THSD4: variants seen among roughly 807,000 people sequenced by gnomAD.
The protein encoded by THSD4 is thrombospondin type 1 domain containing 4, also known as thrombospondin type-1 domain-containing protein 4.
THSD4 carries 69 observed loss-of-function variants against 119.0 expected under a neutral mutation model. That is an observed-to-expected ratio of 0.58 (90% CI 0.48 to 0.71). The LOEUF is 0.71. Ranked by LOEUF, THSD4 falls within the 30% of genes least tolerant of loss-of-function variation. THSD4 has a pLI of 0.00. For missense variants in THSD4, 1,393 were observed against 1,391.1 expected (o/e 1.00, Z -0.02); for synonymous variants, 524 against 540.4 (o/e 0.97, Z 0.42).
At chr15:71,202,749 G>A (rs1783380222) in intron 3 of THSD4, among the ~76,000 whole-genome samples, 1 of 152,058 alleles carries the variant, frequency 6.6e-6, no homozygotes, top group Admixed American at 6.6e-5. Flanking sequence ...TTCTTGACAT[G>A]CTGCTAGCAA....
chr15:71,140,381 G>C (rs143450702), intron 1 of THSD4, among the ~76,000 whole-genome samples: 26 of 152,108 alleles, frequency 1.7e-4, no homozygotes, highest in Non-Finnish European at 2.4e-4. Flanking sequence ...CTCCTTTTAG[G>C]CTCTTTTTAA....
chr15:71,240,838 C>CACACACAT lies in THSD4; in HGVS notation c.465-1810_465-1809insCACACATA, dbSNP rs374887677. ...ACACACACACACACACACACACACACATATATACATATATATGACTAACTT... is the reference window on the plus strand; with the variant it reads ...ACACACACACACACACACACACACACACACACATATATATACATATATATGACTAACTT... On this transcript the variant is annotated intron_variant, in intron 4 of 17. Transcript: ENST00000261862. 3.2e-3 allele frequency among the ~76,000 whole-genome samples: 442 copies of CACACACAT among 137,082 alleles called. 3 individuals carry two copies. The highest frequency in any genetic ancestry group is 3.0e-3 in the South Asian group (13 of 4,294). The allele number at this position is 137,082 out of a possible 152,430, so 89.9% of individuals were successfully genotyped here. A position where few individuals can be genotyped will look rare whatever the true frequency, so the allele number is the denominator to read the frequency against.
At chr15:71,735,934 CTCTA>C (rs1475092605) in intron 10 of THSD4, among the ~76,000 whole-genome samples, 4 of 150,424 alleles carry the variant, frequency 2.7e-5, no homozygotes, top group East Asian at 2.0e-4. Flanking sequence ...CACTTTCTGT[CTCTA>C]TCTCTCTGTC....
intron 7 of THSD4, among the ~76,000 whole-genome samples, chr15:71,610,617 ACTGT>A (rs781661275): frequency 1.3e-5 from 2 of 152,124 alleles, no homozygotes; most frequent in Admixed American, 6.5e-5. Flanking sequence ...AATTTATAAC[ACTGT>A]CTGTGCTCAT....
chr15:71,461,946 C>A (rs1428436799), intron 7 of THSD4, among the ~76,000 whole-genome samples: 1 of 152,044 alleles, frequency 6.6e-6, no homozygotes, highest in Non-Finnish European at 1.5e-5. Flanking sequence ...AAATATGTGG[C>A]CAAGATTGGC....
At chr15:71,426,895 T>C (rs2046877094) in intron 7 of THSD4, among the ~76,000 whole-genome samples, 2 of 152,200 alleles carry the variant, frequency 1.3e-5, no homozygotes. Flanking sequence ...GTTTTTTAAA[T>C]ATATACAAGA....
At chr15:71,452,471 C>G (rs2047278884) in intron 7 of THSD4, among the ~76,000 whole-genome samples, 1 of 149,178 alleles carries the variant, frequency 6.7e-6, no homozygotes. Context: ...TCCCTCAGCT[C>G]TCAAAGGGAT....
chr15:71,407,473 T>C, intron 6 of THSD4, among the ~76,000 whole-genome samples: 1 of 152,204 alleles, frequency 6.6e-6, no homozygotes, highest in East Asian at 1.9e-4. Context: ...ATTATATCAA[T>C]GGCTTTTCCA....
chr15:71,148,603 T>C (rs2040688904), intron 2 of THSD4, among the ~76,000 whole-genome samples: 1 of 152,220 alleles, frequency 6.6e-6, no homozygotes, highest in Admixed American at 6.5e-5. Context: ...TGAATGCAGC[T>C]TTATTGCGTC....
chr15:71,756,223 G>A, intron 14 of THSD4, among the ~76,000 whole-genome samples: 1 of 152,152 alleles, frequency 6.6e-6, no homozygotes, highest in Non-Finnish European at 1.5e-5. Context: ...CACAGTCCAG[G>A]GTAAGAAAGT....
intron 7 of THSD4, among the ~76,000 whole-genome samples, chr15:71,412,602 C>T (rs559275995): frequency 2.0e-5 from 3 of 152,282 alleles, no homozygotes; most frequent in Non-Finnish European, 4.4e-5. Context: ...CTATAGCTAG[C>T]TGGCAGACCG....
chr15:71,757,554 C>CCGAGTAGTTGGGATTA (rs1555449798), intron 14 of THSD4, among the ~76,000 whole-genome samples: 30 of 151,842 alleles, frequency 2.0e-4, no homozygotes, highest in South Asian at 8.3e-4. Context: ...CTTCAGCCTC[C>CCGAGTAGTTGGGATTA]CAAAGCTCTG....
chr15:71,633,190 T>A (rs1180411399), intron 7 of THSD4, among the ~76,000 whole-genome samples: 1 of 152,108 alleles, frequency 6.6e-6, no homozygotes, highest in African/African-American at 2.4e-5. Context: ...CCACAGAGGC[T>A]GAAGACAGGT....
intron 6 of THSD4, among the ~76,000 whole-genome samples, chr15:71,275,268 C>T (rs1200885745): frequency 1.3e-5 from 2 of 152,130 alleles, no homozygotes; most frequent in Non-Finnish European, 2.9e-5. Context: ...CAAGCCATGA[C>T]TGATTCATTT....
intron 3 of THSD4, among the ~76,000 whole-genome samples, chr15:71,191,765 C>T (rs2043673655): frequency 6.6e-6 from 1 of 152,140 alleles, no homozygotes; most frequent in Non-Finnish European, 1.5e-5. Flanking sequence ...TATGAGTCGG[C>T]CCCACATGAA....
intron 6 of THSD4, among the ~76,000 whole-genome samples, chr15:71,267,750 A>G (rs2044480057): frequency 6.6e-6 from 1 of 152,214 alleles, no homozygotes; most frequent in Non-Finnish European, 1.5e-5. Context: ...GGCTCAAAAT[A>G]AAGGGATGGA....
intron 6 of THSD4, among the ~76,000 whole-genome samples, chr15:71,402,185 G>A (rs377082822): frequency 7.1e-4 from 107 of 151,152 alleles, no homozygotes; most frequent in African/African-American, 2.4e-3. Flanking sequence ...ACACCAATAC[G>A]GCACATGTAT....
At chr15:71,561,842 C>G (rs1053925996) in intron 7 of THSD4, among the ~76,000 whole-genome samples, 9 of 150,736 alleles carry the variant, frequency 6.0e-5, no homozygotes, top group Non-Finnish European at 1.5e-5. Flanking sequence ...AAAGGGTGGA[C>G]CCAGGACTCC....
intron 6 of THSD4, among the ~76,000 whole-genome samples, chr15:71,297,315 C>T (rs199914422): frequency 1.0e-3 from 142 of 137,682 alleles, no homozygotes; most frequent in African/African-American, 3.2e-3. Flanking sequence ...CTCTCCTCTT[C>T]TTTTTTTTGT....
Sources: allele counts gnomAD v4.1 joint callset (sites outside exome capture counted in the v4.1 genomes callset), GRCh38; gene constraint gnomAD v4.1.1; transcripts MANE v1.5; gene names NCBI Gene and HGNC (gene_info 2026-07-23, HGNC 2026-07-21).